The following SNX13 variants were observed in gnomAD, a reference collection of about 807,000 sequenced individuals.
The protein encoded by SNX13 is sorting nexin-13.
In SNX13, 45 loss-of-function variants were observed where a neutral mutation model predicts 133.6. That is an observed-to-expected ratio of 0.34 (90% CI 0.27 to 0.43). The LOEUF is 0.43. Among genes scored for constraint, SNX13 ranks in the 20% least tolerant of loss-of-function variants. SNX13 has a pLI of 1.00. For missense variants in SNX13, 1,032 were observed against 1,145.1 expected (o/e 0.90, Z 1.43); for synonymous variants, 414 against 373.9 (o/e 1.11, Z -1.24).
intron 2 of SNX13, 21 bp downstream of exon 2, chr7:17,897,313 A>ATTATAATT: frequency 7.6e-7 from 1 of 1,309,826 alleles, no homozygotes; most frequent in Non-Finnish European, 1.0e-6. Context: ...GAATTATAAA[A>ATTATAATT]TTATAATTGA....
intron 5 of SNX13, chr7:17,889,599 T>C (rs1317276187): frequency 6.6e-6 from 1 of 152,062 alleles, no homozygotes. Context: ...ACGTTGCCCA[T>C]TAAAAGGCTT....
chr7:17,801,742 T>C (rs936552206), intron 21 of SNX13, 83 bp from the exon 22 acceptor site: 3 of 998,652 alleles, frequency 3.0e-6, no homozygotes, highest in Non-Finnish European at 4.4e-6. Context: ...CCTAAATGAG[T>C]ATCAGCATTT....
intron 9 of SNX13, among the ~76,000 whole-genome samples, chr7:17,852,195 G>A (rs567650277): frequency 6.1e-4 from 93 of 152,266 alleles, no homozygotes; most frequent in African/African-American, 2.2e-3. Context: ...CCAACATGGT[G>A]AAACCCCGTC....
intron 1 of SNX13, among the ~76,000 whole-genome samples, chr7:17,902,885 G>A (rs1005428927): frequency 1.3e-5 from 2 of 152,106 alleles, no homozygotes; most frequent in Admixed American, 6.5e-5. Context: ...GAAACCTATT[G>A]TGAACTGTGC....
intron 9 of SNX13, among the ~76,000 whole-genome samples, chr7:17,866,131 T>C (rs1793368281): frequency 6.6e-6 from 1 of 151,928 alleles, no homozygotes; most frequent in Non-Finnish European, 1.5e-5. Context: ...AAAGCAAAAA[T>C]GTACAAATGA....
At chr7:17,821,852 T>G (rs1018123424) in intron 17 of SNX13, among the ~76,000 whole-genome samples, 1 of 152,156 alleles carries the variant, frequency 6.6e-6, no homozygotes, top group Non-Finnish European at 1.5e-5. Flanking sequence ...CATAAGGTAT[T>G]ACATATAATG....
At chr7:17,841,754 G>C (rs978415955) in intron 12 of SNX13, among the ~76,000 whole-genome samples, 1 of 151,680 alleles carries the variant, frequency 6.6e-6, no homozygotes, top group African/African-American at 2.4e-5. Flanking sequence ...ACTAAAGAAA[G>C]ATGTAAAAAA....
At position 17,821,186 on chromosome 7, in the gene SNX13, C is replaced by T. The variant is rs181694418; in HGVS notation, c.1845+323G>A. Among the ~76,000 whole-genome samples the T allele has an allele frequency of 4.6e-5, 7 of 152,256 alleles. No homozygotes were observed. In the East Asian group the frequency reaches 1.3e-3, roughly 29 times the overall value. ...AAATGTCCTACAGCAATCCCCATTC[C>T]TACTTCAATCTAAGCCCAAAAAACT... is the stretch of plus-strand genomic sequence containing the variant. On this transcript the variant is annotated intron_variant, in intron 18 of 25. Coordinates refer to ENST00000428135, the MANE Select transcript of SNX13 (RefSeq NM_015132.5).
intron 5 of SNX13, chr7:17,888,462 C>A: frequency 1.9e-5 from 4 of 212,158 alleles, no homozygotes; most frequent in Non-Finnish European, 3.9e-5. Flanking sequence ...GATAAATAAC[C>A]TAGATTATAA....
intron 1 of SNX13, chr7:17,907,135 AAAC>A (rs1798493081): frequency 6.6e-6 from 1 of 152,260 alleles, no homozygotes; most frequent in African/African-American, 2.4e-5. Context: ...CAAGTCCCAG[AAAC>A]AACAAGACCT....
At chr7:17,812,757 G>A (rs999828480) in intron 20 of SNX13, among the ~76,000 whole-genome samples, 3 of 152,118 alleles carry the variant, frequency 2.0e-5, no homozygotes, top group Admixed American at 6.6e-5. Flanking sequence ...AATGCCCATT[G>A]ATGATAGACT....
At chr7:17,897,633 T>C (rs946422557) in intron 1 of SNX13, among the ~76,000 whole-genome samples, 187 bp from the exon 2 acceptor site, 4 of 152,114 alleles carry the variant, frequency 2.6e-5, no homozygotes. Flanking sequence ...ATACAAAATT[T>C]ATATGTATAG....
At chr7:17,875,816 G>A (rs1324194422) in intron 5 of SNX13, 26 bp from the exon 6 acceptor site, 1 of 1,522,502 alleles carries the variant, frequency 6.6e-7, no homozygotes, top group African/African-American at 1.4e-5. Flanking sequence ...TTACATAAAA[G>A]GATTATATAA....
chr7:17,854,070 T>C (rs1352139843), intron 9 of SNX13, among the ~76,000 whole-genome samples: 8 of 152,178 alleles, frequency 5.3e-5, no homozygotes, highest in Non-Finnish European at 1.2e-4. Context: ...CAAAAAAGAA[T>C]GAAGGGTACT....
chr7:17,890,720 T>A (rs562039665), intron 4 of SNX13, among the ~76,000 whole-genome samples: 4 of 150,822 alleles, frequency 2.7e-5, no homozygotes, highest in South Asian at 4.2e-4. Context: ...AAAAAAAAAA[T>A]AAAATAAAAC....
chr7:17,821,584 T>A lies in SNX13; in HGVS notation c.1770A>T (p.Leu590=), dbSNP rs148741204. ...LYAITVHRRN[L]NSEEMWKTYR... ...AGGTTTTCCACATCTCCTCACTGTT[T>A]AGGTTGCGCCGGTGTACAGTGATGG... Residue 590 remains leucine (L), a synonymous_variant, in exon 18 of 26, where the codon CTA becomes CTT. Coordinates refer to ENST00000428135, the MANE Select transcript of SNX13 (RefSeq NM_015132.5). 1 of 1,613,702 alleles carries A rather than the reference T, an allele frequency of 6.2e-7. No individual in the cohort carries two copies. Among genetic ancestry groups the A allele is most frequent in the South Asian group, 1.1e-5 (1 of 91,064 alleles).
intron 18 of SNX13, among the ~76,000 whole-genome samples, chr7:17,816,649 G>C (rs1051128028): frequency 2.6e-5 from 4 of 151,874 alleles, no homozygotes; most frequent in African/African-American, 9.7e-5. Flanking sequence ...GGCAACAAGA[G>C]CAAAACTCCG....
chr7:17,866,185 T>C (rs1351599390), intron 9 of SNX13, among the ~76,000 whole-genome samples: 3 of 151,164 alleles, frequency 2.0e-5, no homozygotes. Context: ...AAGGGAATGA[T>C]CAACAAAGGC....
At chr7:17,905,973 G>GC (rs1798354789) in intron 1 of SNX13, among the ~76,000 whole-genome samples, 1 of 151,686 alleles carries the variant, frequency 6.6e-6, no homozygotes, top group Non-Finnish European at 1.5e-5. Flanking sequence ...ACCTTGCTCT[G>GC]GCATGTCTAA....
Sources: allele counts gnomAD v4.1 joint callset (sites outside exome capture counted in the v4.1 genomes callset), GRCh38; gene constraint gnomAD v4.1.1; transcripts MANE v1.5; gene names NCBI Gene and HGNC (gene_info 2026-07-23, HGNC 2026-07-21).